KCNIP1: variants seen among roughly 807,000 people sequenced by gnomAD.
KCNIP1 encodes A-type potassium channel modulatory protein KCNIP1.
KCNIP1 carries 18 observed loss-of-function variants against 33.0 expected under a neutral mutation model. The observed-to-expected ratio is 0.55, with a 90% CI of 0.38 to 0.81. The LOEUF is 0.81. Ranked by LOEUF, KCNIP1 falls within the 30% of genes least tolerant of loss-of-function variation. The pLI, the probability that KCNIP1 is intolerant of heterozygous loss-of-function variation, is 0.00. For missense variants in KCNIP1, 238 were observed against 271.6 expected (o/e 0.88, Z 0.87); for synonymous variants, 93 against 98.3 (o/e 0.95, Z 0.32).
intron 1 of KCNIP1, among the ~76,000 whole-genome samples, chr5:170,435,810 G>C (rs1007507521): frequency 4.6e-5 from 7 of 152,178 alleles, no homozygotes; most frequent in African/African-American, 1.4e-4. Flanking sequence ...AGACCACCCA[G>C]AGGACCTTCT....
At chr5:170,499,434 G>A (rs1327416032), upstream of KCNIP1, among the ~76,000 whole-genome samples, 1 of 152,188 alleles carries the variant, frequency 6.6e-6, no homozygotes, top group Non-Finnish European at 1.5e-5. Context: ...ATCCCTCACA[G>A]CAACACTACC....
At chr5:170,366,468 T>C (rs1254360502) in intron 1 of KCNIP1, among the ~76,000 whole-genome samples, 2 of 152,216 alleles carry the variant, frequency 1.3e-5, no homozygotes, top group African/African-American at 4.8e-5. Context: ...CTGCTGTGCC[T>C]GCTGGCCTGT....
intron 1 of KCNIP1, chr5:170,376,591 C>T (rs984828288): frequency 6.6e-6 from 1 of 152,144 alleles, no homozygotes; most frequent in Non-Finnish European, 1.5e-5. Context: ...TCATTTAGCT[C>T]CCACTTATAA....
At chr5:170,546,146 A>G (rs1328893237) in intron 1 of KCNIP1, among the ~76,000 whole-genome samples, 1 of 152,206 alleles carries the variant, frequency 6.6e-6, no homozygotes, top group East Asian at 1.9e-4. Context: ...GAGCCTAGCT[A>G]GTCTCTGTCT....
chr5:170,735,178 TG>T (rs1561790824), intron 7 of KCNIP1, among the ~76,000 whole-genome samples: 1 of 152,218 alleles, frequency 6.6e-6, no homozygotes, highest in African/African-American at 2.4e-5. Context: ...GAGAGCGCTT[TG>T]GGGGGTTTTC....
chr5:170,642,868 T>A (rs1760629613), intron 1 of KCNIP1, among the ~76,000 whole-genome samples: 1 of 152,238 alleles, frequency 6.6e-6, no homozygotes, highest in South Asian at 2.1e-4. Context: ...TTGGGATTAT[T>A]ATCTCCATTT....
intron 1 of KCNIP1, among the ~76,000 whole-genome samples, chr5:170,441,517 G>A (rs1030931643): frequency 6.6e-6 from 1 of 152,160 alleles, no homozygotes; most frequent in Non-Finnish European, 1.5e-5. Context: ...GATCAATGGT[G>A]TTTCTATCTC....
intron 1 of KCNIP1, among the ~76,000 whole-genome samples, chr5:170,567,839 G>C (rs1757255246): frequency 6.6e-6 from 1 of 152,200 alleles, no homozygotes; most frequent in Non-Finnish European, 1.5e-5. Flanking sequence ...ACCTTCAACT[G>C]GGCACAGCAA....
At chr5:170,362,698 T>C (rs1044241383) in intron 1 of KCNIP1, among the ~76,000 whole-genome samples, 2 of 152,212 alleles carry the variant, frequency 1.3e-5, no homozygotes, top group Admixed American at 6.5e-5. Context: ...GGCAGAGAAT[T>C]GGGCAGGAAT....
upstream of KCNIP1, among the ~76,000 whole-genome samples, chr5:170,499,800 C>G (rs1301302952): frequency 6.6e-6 from 1 of 152,170 alleles, no homozygotes; most frequent in Non-Finnish European, 1.5e-5. Context: ...CTCAGACAAG[C>G]ACATGCATGT....
At chr5:170,418,711 C>T (rs1468692305) in intron 1 of KCNIP1, among the ~76,000 whole-genome samples, 1 of 152,240 alleles carries the variant, frequency 6.6e-6, no homozygotes. Context: ...TCCAATCAAA[C>T]TGATCCATTG....
At position 170,504,093 on chromosome 5, in the gene KCNIP1, C is replaced by G. The variant is rs568895553; in HGVS notation, c.-480C>G. Reference sequence around the variant, plus strand: ...CGCTGTGGCTCCGCGCCGCGCGGTCCGGGCTCTGTTCATTCATGATTGGTA... The same window carrying G: ...CGCTGTGGCTCCGCGCCGCGCGGTCGGGGCTCTGTTCATTCATGATTGGTA... On this transcript the variant is annotated 5_prime_UTR_variant, in exon 1 of 8. Coordinates refer to ENST00000328939, the MANE Select transcript of KCNIP1 (RefSeq NM_014592.4). This position sits in a 1 kb window ranked among gnomAD's most constrained non-coding sequence, Gnocchi z 6.0. 2.5e-5 allele frequency: 25 copies of G among 986,072 alleles called. No individual in the cohort carries two copies. The highest frequency in any genetic ancestry group is 9.3e-5 in the South Asian group (2 of 21,418). 61.1% of individuals were successfully genotyped at this position (986,072 alleles called of 1,614,324 possible). A position where few individuals can be genotyped will look rare whatever the true frequency, so the allele number is the denominator to read the frequency against.
intron 1 of KCNIP1, among the ~76,000 whole-genome samples, chr5:170,701,734 G>A (rs774343141): frequency 6.6e-6 from 1 of 152,136 alleles, no homozygotes; most frequent in African/African-American, 2.4e-5. Flanking sequence ...ATATGCCAGC[G>A]CTCTATCTGC....
intron 1 of KCNIP1, among the ~76,000 whole-genome samples, chr5:170,647,636 T>G (rs1207322391): frequency 4.8e-5 from 7 of 146,606 alleles, no homozygotes; most frequent in African/African-American, 1.8e-4. Flanking sequence ...TAAAAATGGG[T>G]AATAGATCTA....
intron 1 of KCNIP1, among the ~76,000 whole-genome samples, chr5:170,363,564 T>C (rs896668440): frequency 4.6e-5 from 7 of 152,218 alleles, no homozygotes; most frequent in Admixed American, 4.6e-4. Flanking sequence ...GGACTTTCAG[T>C]GTCCAGAACT....
intron 1 of KCNIP1, among the ~76,000 whole-genome samples, chr5:170,391,173 A>T (rs1180356154): frequency 1.3e-5 from 2 of 152,190 alleles, no homozygotes; most frequent in Non-Finnish European, 2.9e-5. Context: ...ACTCAGAAGC[A>T]GGAAAAGTCC....
chr5:170,622,972 C>T (rs1232975404), intron 1 of KCNIP1, among the ~76,000 whole-genome samples: 1 of 152,224 alleles, frequency 6.6e-6, no homozygotes, highest in Non-Finnish European at 1.5e-5. Flanking sequence ...GAAACTGTTC[C>T]GCCTCTGATC....
chr5:170,596,975 C>G (rs2113569692), intron 1 of KCNIP1, among the ~76,000 whole-genome samples: 1 of 152,358 alleles, frequency 6.6e-6, no homozygotes. Flanking sequence ...CTCCCTTCAG[C>G]TGCACAATTA....
intron 1 of KCNIP1, among the ~76,000 whole-genome samples, chr5:170,395,615 G>T (rs1754739482): frequency 6.6e-6 from 1 of 152,202 alleles, no homozygotes; most frequent in South Asian, 2.1e-4. Flanking sequence ...GTATCTATAA[G>T]CACAAAGTTT....
Sources: allele counts gnomAD v4.1 joint callset (sites outside exome capture counted in the v4.1 genomes callset), GRCh38; gene constraint gnomAD v4.1.1; non-coding constraint Gnocchi (gnomAD v3.1); transcripts MANE v1.5; gene names NCBI Gene and HGNC (gene_info 2026-07-23, HGNC 2026-07-21).